The following SLC5A1 variants were observed in gnomAD, a reference collection of about 807,000 sequenced individuals.
The protein encoded by SLC5A1 is solute carrier family 5 member 1, also known as sodium/glucose cotransporter 1.
In SLC5A1, 42 loss-of-function variants were observed where a neutral mutation model predicts 73.5. The ratio of observed to expected loss-of-function variants is 0.57; its 90% CI spans 0.45 to 0.74. The LOEUF (loss-of-function observed/expected upper bound fraction) is 0.74, where lower values mean the gene tolerates loss of function less well. Ranked by LOEUF, SLC5A1 falls within the 30% of genes least tolerant of loss-of-function variation. SLC5A1 has a pLI of 0.00. For synonymous variants in SLC5A1, 300 were observed against 317.4 expected, an observed-to-expected ratio of 0.95 and a Z score of 0.58; for missense variants, 634 against 855.4, an observed-to-expected ratio of 0.74 and a Z score of 3.23.
intron 6 of SLC5A1, among the ~76,000 whole-genome samples, chr22:32,082,316 G>A (rs575105714): frequency 6.6e-6 from 1 of 152,168 alleles, no homozygotes; most frequent in Non-Finnish European, 1.5e-5. Flanking sequence ...GGCAGGGTGG[G>A]CACGCAGATG....
intron 2 of SLC5A1, among the ~76,000 whole-genome samples, chr22:32,060,142 C>CAT (rs1174336682): frequency 1.6e-4 from 3 of 18,568 alleles, no homozygotes; most frequent in Non-Finnish European, 3.1e-4. Flanking sequence ...TATATATACA[C>CAT]ATACACACAC....
At chr22:32,090,114 A>C (rs994861377) in intron 10 of SLC5A1, among the ~76,000 whole-genome samples, 9 of 151,954 alleles carry the variant, frequency 5.9e-5, no homozygotes, top group Non-Finnish European at 8.8e-5. Context: ...AAAAAAAAAA[A>C]AAACAAAAAA....
At chr22:32,051,037 C>T (rs1290009130) in intron 2 of SLC5A1, among the ~76,000 whole-genome samples, 2 of 152,170 alleles carry the variant, frequency 1.3e-5, no homozygotes, top group African/African-American at 4.8e-5. Flanking sequence ...GGGAATTCCC[C>T]ACTCTTTGGA....
At chr22:32,075,437 A>G (rs927492133) in intron 5 of SLC5A1, among the ~76,000 whole-genome samples, 1 of 152,034 alleles carries the variant, frequency 6.6e-6, no homozygotes, top group African/African-American at 2.4e-5. Context: ...CTGCGCTTTC[A>G]TTTTACAGAT....
intron 14 of SLC5A1, among the ~76,000 whole-genome samples, chr22:32,105,764 T>A (rs1405365056): frequency 6.6e-6 from 1 of 152,198 alleles, no homozygotes; most frequent in Non-Finnish European, 1.5e-5. Flanking sequence ...GGTAACCATC[T>A]TTCTACTTTC....
At chr22:32,051,268 T>C (rs1258056372) in intron 2 of SLC5A1, among the ~76,000 whole-genome samples, 1 of 152,162 alleles carries the variant, frequency 6.6e-6, no homozygotes, top group Admixed American at 6.5e-5. Context: ...CTTTGTGACA[T>C]TGGGCAATTC....
In SLC5A1 at chr22:32,102,243, T is replaced by C. The variant is rs778282549; in HGVS notation, c.1665+6T>C. On this transcript the variant is annotated splice_donor_region_variant and intron_variant, in intron 13 of 14. Transcript: ENST00000266088. ...AACCCATTCCGGATGTGCATGTGAG[T>C]ATCCATTTAGGGGATCTGTCCTTGT... is the stretch of plus-strand genomic sequence containing the variant. The C allele has an allele frequency of 1.9e-6, 3 of 1,600,056 alleles. No individual in the cohort carries two copies. In the South Asian group the frequency reaches 3.3e-5, roughly 18 times the overall value.
chr22:32,099,666 A>T (rs1183428291), intron 12 of SLC5A1, among the ~76,000 whole-genome samples: 1 of 151,910 alleles, frequency 6.6e-6, no homozygotes, highest in Admixed American at 6.6e-5. Flanking sequence ...AGCTCAAGTG[A>T]TCCTCCCACC....
intron 1 of SLC5A1, among the ~76,000 whole-genome samples, chr22:32,048,971 G>A (rs1888745750): frequency 6.6e-6 from 1 of 151,792 alleles, no homozygotes; most frequent in African/African-American, 2.4e-5. Context: ...TCAGGAGGCT[G>A]AGGCACGAGA....
chr22:32,072,855 C>T (rs1417239951), intron 5 of SLC5A1, among the ~76,000 whole-genome samples: 4 of 152,190 alleles, frequency 2.6e-5, no homozygotes, highest in African/African-American at 9.7e-5. Context: ...TCCTGGCCTA[C>T]ATGAATAAAC....
In SLC5A1 at chr22:32,103,551, G is replaced by A. The variant is rs114600723; in HGVS notation, c.1666-1235G>A. ...GCTCCCCAAGTGACAGCTCAGGTGC[G>A]TAAGATCACATGGGTGGTACAGGGC... On this transcript the variant is annotated intron_variant, in intron 13 of 14. Transcript: ENST00000266088. Among the ~76,000 whole-genome samples, 486 of 152,296 alleles carry A rather than the reference G, an allele frequency of 3.2e-3. 1 individual carries two copies. The highest frequency in any genetic ancestry group is 0.011 in the African/African-American group (461 of 41,574).
At chr22:32,099,406 G>A in intron 12 of SLC5A1, 55 bp downstream of exon 12, 1 of 1,504,414 alleles carries the variant, frequency 6.6e-7, no homozygotes, top group Non-Finnish European at 9.2e-7. Flanking sequence ...AAGTTTCCAT[G>A]TGGGTTTGCA....
chr22:32,056,438 T>C (rs1433710420), intron 2 of SLC5A1, among the ~76,000 whole-genome samples: 1 of 14,302 alleles, frequency 7.0e-5, no homozygotes. Context: ...CCTTCCTGTC[T>C]TTTTTTTTTT....
chr22:32,053,896 CG>C (rs1390752943), intron 2 of SLC5A1, among the ~76,000 whole-genome samples: 2 of 152,104 alleles, frequency 1.3e-5, no homozygotes, highest in African/African-American at 4.8e-5. Context: ...GTTTCTCAGC[CG>C]GGTGCGGTGG....
Position 32,057,270 on chromosome 22 carries a change from T to C in SLC5A1, c.207+7256T>C, listed in dbSNP as rs141176587. On this transcript the variant is annotated intron_variant, in intron 2 of 14. Transcript: ENST00000266088. ...AGTTGTCCATTGCCCTAGGCAATTC[T>C]TTTCATTGTTTTTTGAGATATGATC... Among the ~76,000 whole-genome samples the C allele has an allele frequency of 1.1e-3, 161 of 152,310 alleles. 1 individual carries two copies. The highest frequency in any genetic ancestry group is 3.7e-3 in the African/African-American group (155 of 41,572).
chr22:32,104,955 C>T, intron 14 of SLC5A1, 64 bp downstream of exon 14: 1 of 1,145,432 alleles, frequency 8.7e-7, no homozygotes, highest in Non-Finnish European at 1.3e-6. Flanking sequence ...CAAGACTTTA[C>T]TGAAGTTCTT....
intron 9 of SLC5A1, 69 bp downstream of exon 9, chr22:32,085,104 A>G: frequency 6.3e-7 from 1 of 1,580,294 alleles, no homozygotes; most frequent in Non-Finnish European, 8.7e-7. Flanking sequence ...CTAAAGCTCT[A>G]TAGCTTCCCG....
In SLC5A1 at chr22:32,081,907, A is replaced by G. The variant is rs540653671; in HGVS notation, c.519A>G (p.Leu173=). ...GGGCCATATTCATCAATCTGGCCTTAGGCCTGAATCTGTATTTAGCCATCT... is the reference window on the plus strand; with the variant it reads ...GGGCCATATTCATCAATCTGGCCTTGGGCCTGAATCTGTATTTAGCCATCT... ...FSGAIFINLA[L]GLNLYLAIFL... Residue 173 remains leucine, a synonymous_variant, in exon 6 of 15, where the codon TTA becomes TTG. Transcript: ENST00000266088. The G allele has an allele frequency of 6.8e-6, 11 of 1,613,624 alleles. No homozygotes were observed. The highest frequency in any genetic ancestry group is 9.3e-6 in the Non-Finnish European group (11 of 1,179,778).
intron 11 of SLC5A1, among the ~76,000 whole-genome samples, chr22:32,092,262 C>A (rs889761565): frequency 6.6e-6 from 1 of 152,160 alleles, no homozygotes; most frequent in Non-Finnish European, 1.5e-5. Flanking sequence ...CCAGTTGCTG[C>A]GAATGCCATT....
Sources: allele counts gnomAD v4.1 joint callset (sites outside exome capture counted in the v4.1 genomes callset), GRCh38; gene constraint gnomAD v4.1.1; transcripts MANE v1.5; gene names NCBI Gene and HGNC (gene_info 2026-07-23, HGNC 2026-07-21).